Variants in SAMD12 observed in about 807,000 individuals in gnomAD.
The protein encoded by SAMD12 is sterile alpha motif domain containing 12.
A neutral mutation model predicts 15.0 loss-of-function variants in SAMD12; 9 were observed. That is an observed-to-expected ratio of 0.60 (90% CI 0.36 to 1.05). SAMD12 has a LOEUF of 1.05. Ranked by LOEUF, SAMD12 falls within the 50% of genes least tolerant of loss-of-function variation. The pLI, the probability that SAMD12 is intolerant of heterozygous loss-of-function variation, is 0.01. For missense variants in SAMD12, 230 were observed against 234.2 expected, an observed-to-expected ratio of 0.98 and a Z score of 0.12; for synonymous variants, 86 against 90.1, an observed-to-expected ratio of 0.96 and a Z score of 0.25.
At chr8:118,343,829 A>G (rs1336834165) in intron 4 of SAMD12, among the ~76,000 whole-genome samples, 3 of 152,208 alleles carry the variant, frequency 2.0e-5, no homozygotes, top group Non-Finnish European at 4.4e-5. Flanking sequence ...GGGGCACTCA[A>G]TATAATGGAC....
chr8:118,305,984 C>T (rs962632453), intron 4 of SAMD12, among the ~76,000 whole-genome samples: 2 of 152,224 alleles, frequency 1.3e-5, no homozygotes, highest in Non-Finnish European at 2.9e-5. Flanking sequence ...CCTACTACAA[C>T]AGTCCACTGG....
chr8:118,431,214 T>C lies in SAMD12; in HGVS notation c.322+8618A>G, dbSNP rs557290649. ...TGGCATTGCTGTTATTCATTTTACT[T>C]ATCTATATGGTATAAAACCCAGTGT... On this transcript the variant is annotated intron_variant, in intron 3 of 3. Coordinates refer to ENST00000314727, the MANE Select transcript of SAMD12 (RefSeq NM_207506.3). 4.6e-5 allele frequency among the ~76,000 whole-genome samples: 7 copies of C among 152,348 alleles called. No homozygotes were observed. In the East Asian group the frequency reaches 1.3e-3, roughly 29 times the overall value.
At chr8:118,501,935 C>T (rs529719039) in intron 2 of SAMD12, among the ~76,000 whole-genome samples, 3 of 150,190 alleles carry the variant, frequency 2.0e-5, no homozygotes, top group African/African-American at 4.9e-5. Context: ...GAGAATGGCA[C>T]GAACCCGTTG....
At chr8:118,522,185 C>T (rs763651785) in intron 2 of SAMD12, among the ~76,000 whole-genome samples, 7,860 of 134,254 alleles carry the variant, frequency 0.059, 308 homozygotes, top group South Asian at 0.2. Context: ...CACATACACA[C>T]ACACACACAC....
intron 3 of SAMD12, among the ~76,000 whole-genome samples, 166 bp from the exon 4 acceptor site, chr8:118,379,866 G>A (rs1819585231): frequency 6.6e-6 from 1 of 152,058 alleles, no homozygotes; most frequent in African/African-American, 2.4e-5. Context: ...TGGATTATCT[G>A]GGTGAAAAAA....
At chr8:118,392,424 C>T (rs1311902674) in intron 3 of SAMD12, among the ~76,000 whole-genome samples, 3 of 152,166 alleles carry the variant, frequency 2.0e-5, no homozygotes, top group East Asian at 3.9e-4. Flanking sequence ...AACGAGACTC[C>T]GTCTCAAGAC....
intron 2 of SAMD12, among the ~76,000 whole-genome samples, chr8:118,521,663 C>G (rs999085695): frequency 2.6e-5 from 3 of 114,926 alleles, no homozygotes; most frequent in Admixed American, 9.3e-5. Context: ...GGGCTTCTTC[C>G]AAGACTGGGC....
At chr8:118,222,475 C>A (rs934653880) in intron 4 of SAMD12, among the ~76,000 whole-genome samples, 4 of 152,090 alleles carry the variant, frequency 2.6e-5, no homozygotes, top group African/African-American at 4.8e-5. Context: ...TTATAATAAT[C>A]TAAAATTTAA....
At chr8:118,235,966 A>G (rs1167619346) in intron 4 of SAMD12, among the ~76,000 whole-genome samples, 1 of 152,210 alleles carries the variant, frequency 6.6e-6, no homozygotes, top group Non-Finnish European at 1.5e-5. Context: ...GCCACGGACT[A>G]TGTGATATGC....
chr8:118,613,637 T>C (rs1287990373), intron 1 of SAMD12, among the ~76,000 whole-genome samples: 2 of 152,218 alleles, frequency 1.3e-5, no homozygotes, highest in Admixed American at 1.3e-4. Context: ...AATATCTTAG[T>C]CAATTTTCTC....
chr8:118,153,793 A>G, the SAMD12 span, among the ~76,000 whole-genome samples: 110,989 of 152,012 alleles, frequency 0.73, 42,080 homozygotes, highest in Non-Finnish European at 0.84. Flanking sequence ...GCAAAAACCT[A>G]TCTACCTTCT....
At chr8:118,411,349 T>A (rs1293822750) in intron 3 of SAMD12, among the ~76,000 whole-genome samples, 1 of 152,186 alleles carries the variant, frequency 6.6e-6, no homozygotes, top group Admixed American at 6.5e-5. Flanking sequence ...AAGGTTTTAA[T>A]TAAGGGCAAG....
chr8:118,197,289 T>C (rs2129756109), exon 5 of SAMD12: 1 of 219,848 alleles, frequency 4.5e-6, no homozygotes. Context: ...TCCACTGAGA[T>C]TGCAGAATTG....
the SAMD12 span, among the ~76,000 whole-genome samples, chr8:118,132,996 A>G: frequency 0.023 from 2,113 of 91,834 alleles, 209 homozygotes; most frequent in African/African-American, 0.072. Context: ...ATATATATAT[A>G]TATATATATA....
At chr8:118,474,360 CTTA>C (rs1454378669) in intron 2 of SAMD12, among the ~76,000 whole-genome samples, 16 of 152,124 alleles carry the variant, frequency 1.1e-4, no homozygotes, top group African/African-American at 3.1e-4. Context: ...TAAATCAGTG[CTTA>C]TTATGTGCCA....
downstream of SAMD12, chr8:118,375,737 A>C (rs185856808): frequency 6.5e-4 from 99 of 152,212 alleles, 1 homozygote; most frequent in Admixed American, 1.5e-3. Flanking sequence ...AATAGTTAAT[A>C]TACTCATACA....
At chr8:118,361,392 T>C (rs1486746291) in intron 4 of SAMD12, among the ~76,000 whole-genome samples, 1 of 152,146 alleles carries the variant, frequency 6.6e-6, no homozygotes, top group African/African-American at 2.4e-5. Flanking sequence ...AGTAGGTAAC[T>C]CAAAAAAAGC....
At chr8:118,540,389 G>A (rs1825956830) in intron 2 of SAMD12, among the ~76,000 whole-genome samples, 1 of 152,146 alleles carries the variant, frequency 6.6e-6, no homozygotes, top group Non-Finnish European at 1.5e-5. Context: ...GCAGATTCAA[G>A]GTCATCTGTA....
chr8:118,153,488 G>A, the SAMD12 span, among the ~76,000 whole-genome samples: 3 of 152,152 alleles, frequency 2.0e-5, no homozygotes, highest in African/African-American at 2.4e-5. Context: ...AAAAAATGGG[G>A]CCAAACGTAT....
Sources: gnomAD v4.1 joint callset for allele counts (sites outside exome capture counted in the v4.1 genomes callset) on GRCh38, gnomAD v4.1.1 for gene constraint, MANE v1.5 for transcripts, NCBI Gene and HGNC (gene_info 2026-07-23, HGNC 2026-07-21) for gene names.